Variants in MPDZ observed in about 807,000 individuals in gnomAD.
The protein encoded by MPDZ is multiple PDZ domain protein.
A neutral mutation model predicts 239.1 loss-of-function variants in MPDZ; 234 were observed. The ratio of observed to expected loss-of-function variants is 0.98; its 90% CI spans 0.88 to 1.09. The LOEUF (loss-of-function observed/expected upper bound fraction) is 1.09. Ranked by LOEUF, MPDZ falls within the 50% of genes least tolerant of loss-of-function variation. MPDZ has a pLI of 0.00. For synonymous variants in MPDZ, 1,048 were observed against 881.3 expected (o/e 1.19, Z -3.35); for missense variants, 3,175 against 2,510.0 (o/e 1.26, Z -5.66).
chr9:13,116,633 A>G (rs1417204078), intron 39 of MPDZ, among the ~76,000 whole-genome samples: 4 of 152,168 alleles, frequency 2.6e-5, no homozygotes, highest in African/African-American at 9.7e-5. Context: ...TAAGGTTAAC[A>G]AGTCCATACG....
At position 13,277,609 on chromosome 9, in the gene MPDZ, G is replaced by A. The variant is rs148117184; in HGVS notation, c.-58+1791C>T. On this transcript the variant is annotated intron_variant, in intron 1 of 46. Transcript: ENST00000319217. ...AGTCAGAGTCTCGCTCTGTCACCCA[G>A]GCCGGAGTGCAGTGGCGCGATCTCG... is the stretch of plus-strand genomic sequence containing the variant. 5.5e-4 allele frequency among the ~76,000 whole-genome samples: 84 copies of A among 152,216 alleles called. 1 individual carries two copies. In the East Asian group the frequency reaches 0.016, roughly 29 times the overall value.
At chr9:13,231,729 A>C (rs1185353115) in intron 3 of MPDZ, among the ~76,000 whole-genome samples, 1 of 151,340 alleles carries the variant, frequency 6.6e-6, no homozygotes, top group Non-Finnish European at 1.5e-5. Context: ...AAAAAGGCTG[A>C]ATTGTTCTCT....
chr9:13,267,779 G>C (rs186103397), intron 1 of MPDZ, among the ~76,000 whole-genome samples: 1 of 152,278 alleles, frequency 6.6e-6, no homozygotes, highest in East Asian at 1.9e-4. Flanking sequence ...GCACTGAGAT[G>C]ATTTGGAAAA....
intron 21 of MPDZ, among the ~76,000 whole-genome samples, chr9:13,170,192 T>A (rs983607543): frequency 2.0e-5 from 3 of 152,136 alleles, no homozygotes; most frequent in African/African-American, 7.2e-5. Context: ...AATTCCTTTT[T>A]AGGTTTTTAT....
chr9:13,169,503 T>C (rs1444027790), intron 21 of MPDZ, among the ~76,000 whole-genome samples: 1 of 152,058 alleles, frequency 6.6e-6, no homozygotes, highest in Non-Finnish European at 1.5e-5. Context: ...CTTGAATCCA[T>C]TTACCTTTTT....
chr9:13,263,927 T>A (rs556079140), intron 1 of MPDZ, among the ~76,000 whole-genome samples: 13 of 152,162 alleles, frequency 8.5e-5, no homozygotes, highest in Non-Finnish European at 1.9e-4. Flanking sequence ...TACTAAATTA[T>A]GGAAAAGAGG....
In MPDZ at chr9:13,223,637, C is replaced by G; in HGVS notation, c.467G>C (p.Arg156Thr). 1 of 1,612,502 alleles carries G rather than the reference C, an allele frequency of 6.2e-7. No individual in the cohort carries two copies. ...GGLGFSVVGL[R>T]SENRGELGIF... ...TCCCAGCTCTCCTCTGTTTTCACTT[C>G]TTAGTCCCACAACACTAAACCCAAG... The change falls in exon 5 of 47, where the codon AGA becomes ACA. Residue 156 changes from arginine to threonine, a missense_variant. By Grantham distance (71) the Arg-to-Thr change is moderately conservative. Coordinates refer to ENST00000319217, the MANE Select transcript of MPDZ (RefSeq NM_001378778.1).
In MPDZ at chr9:13,110,144, T is replaced by G. The variant is rs533194564; in HGVS notation, c.5830-80A>C. 1.8e-4 allele frequency: 163 copies of G among 914,468 alleles called. 1 individual carries two copies. The highest frequency in any genetic ancestry group is 1.0e-3 in the Admixed American group (40 of 38,230). The allele number at this position is 914,468 out of a possible 1,614,324, so 56.6% of individuals were successfully genotyped here. A position where few individuals can be genotyped will look rare whatever the true frequency, so the allele number is the denominator to read the frequency against. On this transcript the variant is annotated intron_variant, in intron 44 of 46. Transcript: ENST00000319217. Reference sequence around the variant, plus strand: ...AGTAATTTTTCTTCAGAAAGAGCACTTGGATTAAAATGTATATTTTATTGT... The same window carrying G: ...AGTAATTTTTCTTCAGAAAGAGCACGTGGATTAAAATGTATATTTTATTGT...
chr9:13,254,541 A>G (rs918111472), intron 1 of MPDZ, among the ~76,000 whole-genome samples: 30 of 152,180 alleles, frequency 2.0e-4, no homozygotes, highest in Non-Finnish European at 4.4e-4. Flanking sequence ...ATTAAACTTT[A>G]TCATAGGTAT....
intron 43 of MPDZ, among the ~76,000 whole-genome samples, chr9:13,111,275 C>T (rs980561050): frequency 5.3e-5 from 8 of 152,224 alleles, no homozygotes; most frequent in Non-Finnish European, 1.0e-4. Context: ...CTAAAATATT[C>T]AGTATCTGTC....
intron 22 of MPDZ, among the ~76,000 whole-genome samples, chr9:13,167,126 C>T (rs960002277): frequency 1.3e-5 from 2 of 152,028 alleles, no homozygotes; most frequent in African/African-American, 2.4e-5. Flanking sequence ...TAAAACCCTG[C>T]GATAAATACA....
intron 1 of MPDZ, among the ~76,000 whole-genome samples, chr9:13,266,319 G>C (rs1163866974): frequency 6.6e-6 from 1 of 152,166 alleles, no homozygotes; most frequent in Non-Finnish European, 1.5e-5. Flanking sequence ...TAATGTGGTT[G>C]TTTTTCTCTC....
At chr9:13,202,520 A>C (rs1956505932) in intron 12 of MPDZ, among the ~76,000 whole-genome samples, 1 of 152,192 alleles carries the variant, frequency 6.6e-6, no homozygotes, top group African/African-American at 2.4e-5. Flanking sequence ...CAGAGTGCAG[A>C]ATACCTGCCA....
chr9:13,201,722 A>G (rs978490323), intron 12 of MPDZ, among the ~76,000 whole-genome samples: 1 of 151,932 alleles, frequency 6.6e-6, no homozygotes, highest in African/African-American at 2.4e-5. Flanking sequence ...CTTTCTAATG[A>G]GATTTTGGCT....
At chr9:13,147,336 A>G (rs554808026) in intron 26 of MPDZ, among the ~76,000 whole-genome samples, 2 of 152,186 alleles carry the variant, frequency 1.3e-5, no homozygotes, top group South Asian at 2.1e-4. Context: ...TTCTGTGTAT[A>G]TTCAACAGAC....
At chr9:13,222,905 C>T (rs1343827406) in intron 5 of MPDZ, among the ~76,000 whole-genome samples, 1 of 151,576 alleles carries the variant, frequency 6.6e-6, no homozygotes, top group African/African-American at 2.4e-5. Context: ...AGATCCCCAA[C>T]TGGGGATCAC....
chr9:13,212,753 T>G (rs1263430752), intron 10 of MPDZ, among the ~76,000 whole-genome samples: 2 of 143,532 alleles, frequency 1.4e-5, no homozygotes, highest in East Asian at 4.1e-4. Context: ...CGAGAGGATC[T>G]GTCAAGCCCA....
intron 1 of MPDZ, chr9:13,276,631 G>C (rs1262552148): frequency 6.6e-6 from 1 of 152,112 alleles, no homozygotes; most frequent in African/African-American, 2.4e-5. Flanking sequence ...TAAAGTGTAG[G>C]ATCTTTCTCT....
chr9:13,262,472 A>G (rs1970911822), intron 1 of MPDZ, among the ~76,000 whole-genome samples: 1 of 152,106 alleles, frequency 6.6e-6, no homozygotes, highest in Non-Finnish European at 1.5e-5. Context: ...AATAAAAATT[A>G]AAAAGAGTTC....
Sources: allele counts gnomAD v4.1 joint callset (sites outside exome capture counted in the v4.1 genomes callset), GRCh38; gene constraint gnomAD v4.1.1; transcripts MANE v1.5; gene names NCBI Gene and HGNC (gene_info 2026-07-23, HGNC 2026-07-21).